MDGA2: variants seen among roughly 807,000 people sequenced by gnomAD.
The protein encoded by MDGA2 is MAM domain containing glycosylphosphatidylinositol anchor 2, also known as MAM domain-containing glycosylphosphatidylinositol anchor protein 2.
In MDGA2, 40 loss-of-function variants were observed where a neutral mutation model predicts 117.8. That is an observed-to-expected ratio of 0.34 (90% CI 0.26 to 0.44). MDGA2 has a LOEUF of 0.44. MDGA2 is among the 20% of genes least tolerant of loss of function. MDGA2 has a pLI of 1.00. For synonymous variants in MDGA2, 452 were observed against 439.0 expected, an observed-to-expected ratio of 1.03 and a Z score of -0.37; for missense variants, 1,123 against 1,250.6, an observed-to-expected ratio of 0.90 and a Z score of 1.54.
intron 9 of MDGA2, 40 bp downstream of exon 9, chr14:46,957,334 T>A (rs772119026): frequency 1.3e-6 from 2 of 1,586,816 alleles, no homozygotes; most frequent in Non-Finnish European, 1.7e-6. Context: ...CTTGGTCTAA[T>A]AAAACAAAAT....
At chr14:47,395,942 T>A (rs755157858) in intron 1 of MDGA2, among the ~76,000 whole-genome samples, 15 of 152,162 alleles carry the variant, frequency 9.9e-5, no homozygotes, top group African/African-American at 3.1e-4. Flanking sequence ...ATATTTACTT[T>A]CGTGTGTAGC....
intron 1 of MDGA2, among the ~76,000 whole-genome samples, chr14:47,517,664 T>C (rs1378662639): frequency 6.6e-6 from 1 of 152,172 alleles, no homozygotes; most frequent in Non-Finnish European, 1.5e-5. Context: ...GGGCAGCTCA[T>C]AGACACCTCT....
intron 1 of MDGA2, among the ~76,000 whole-genome samples, chr14:47,538,512 C>T (rs942283770): frequency 2.6e-5 from 4 of 152,108 alleles, no homozygotes; most frequent in Admixed American, 2.6e-4. Context: ...GTTGAGATTT[C>T]GTGTTATATA....
chr14:47,073,283 T>C (rs1425711745), intron 6 of MDGA2, among the ~76,000 whole-genome samples: 1 of 152,200 alleles, frequency 6.6e-6, no homozygotes, highest in African/African-American at 2.4e-5. Context: ...AGAGTCAATA[T>C]AGAAAACAGT....
At chr14:47,612,190 TGATAGATAGATAGATAGACA>T (rs1213106818) in intron 1 of MDGA2, among the ~76,000 whole-genome samples, 5 of 143,682 alleles carry the variant, frequency 3.5e-5, no homozygotes, top group South Asian at 4.4e-4. Flanking sequence ...ATTTCAAATG[TGATAGATAGATAGATAGACA>T]GATAGATAGA....
chr14:47,506,505 G>T (rs1894515714), intron 1 of MDGA2, among the ~76,000 whole-genome samples: 1 of 152,108 alleles, frequency 6.6e-6, no homozygotes, highest in South Asian at 2.1e-4. Flanking sequence ...TTCCTTTATA[G>T]GCTGGAAGTT....
chr14:47,162,662 T>A (rs1226832896), intron 3 of MDGA2, among the ~76,000 whole-genome samples: 1 of 152,296 alleles, frequency 6.6e-6, no homozygotes, highest in Non-Finnish European at 1.5e-5. Context: ...TTAATGTAAT[T>A]ATTTTTCTAA....
intron 1 of MDGA2, among the ~76,000 whole-genome samples, chr14:47,435,828 C>T (rs1388738490): frequency 6.6e-6 from 1 of 152,120 alleles, no homozygotes. Context: ...GGACTTTATG[C>T]TTCTGGGCTC....
intron 8 of MDGA2, among the ~76,000 whole-genome samples, chr14:46,985,400 G>A (rs562576030): frequency 5.3e-5 from 8 of 152,042 alleles, no homozygotes; most frequent in South Asian, 2.1e-4. Flanking sequence ...GAACTGAACC[G>A]AACCTAGTGG....
intron 6 of MDGA2, among the ~76,000 whole-genome samples, chr14:47,077,606 A>G (rs1890542545): frequency 6.6e-6 from 1 of 152,034 alleles, no homozygotes; most frequent in Admixed American, 6.5e-5. Context: ...ACATTTTACC[A>G]GGTGTTCATA....
intron 1 of MDGA2, among the ~76,000 whole-genome samples, chr14:47,478,275 G>C (rs1437265164): frequency 6.6e-6 from 1 of 152,144 alleles, no homozygotes; most frequent in African/African-American, 2.4e-5. Context: ...CAGACATATT[G>C]CATGTATTCT....
At chr14:47,222,678 G>C (rs533761934) in intron 2 of MDGA2, among the ~76,000 whole-genome samples, 2 of 151,936 alleles carry the variant, frequency 1.3e-5, no homozygotes, top group African/African-American at 4.8e-5. Context: ...TACAAAAATT[G>C]ATCATGTAGT....
chr14:47,300,794 T>G (rs921525359), intron 2 of MDGA2, among the ~76,000 whole-genome samples: 23 of 152,108 alleles, frequency 1.5e-4, no homozygotes, highest in African/African-American at 4.3e-4. Flanking sequence ...CCACCACACC[T>G]GGGCTTTGCC....
chr14:47,551,592 C>T (rs955054295), intron 1 of MDGA2, among the ~76,000 whole-genome samples: 1 of 152,156 alleles, frequency 6.6e-6, no homozygotes, highest in Admixed American at 6.6e-5. Context: ...CACTGATAGA[C>T]ATCTCTGCAT....
intron 5 of MDGA2, among the ~76,000 whole-genome samples, chr14:47,105,547 C>A (rs1880608817): frequency 6.6e-6 from 1 of 151,828 alleles, no homozygotes; most frequent in Admixed American, 6.6e-5. Context: ...TTCTGCAATG[C>A]TGCTTGACCC....
At chr14:47,398,418 C>T (rs573753132) in intron 1 of MDGA2, among the ~76,000 whole-genome samples, 1 of 152,294 alleles carries the variant, frequency 6.6e-6, no homozygotes, top group South Asian at 2.1e-4. Flanking sequence ...GTGTTTTAAT[C>T]ATCTTCCATC....
chr14:47,066,701 A>G (rs1354808442), intron 6 of MDGA2, among the ~76,000 whole-genome samples: 1 of 145,412 alleles, frequency 6.9e-6, no homozygotes, highest in East Asian at 2.1e-4. Flanking sequence ...TAATTACTCA[A>G]CTGATAATCA....
At chr14:47,217,125 G>A (rs1886120113) in intron 3 of MDGA2, among the ~76,000 whole-genome samples, 1 of 152,006 alleles carries the variant, frequency 6.6e-6, no homozygotes, top group Non-Finnish European at 1.5e-5. Context: ...CAAGCCCCTT[G>A]CTAACTAGGT....
chr14:47,263,879 C>T (rs997321446), intron 2 of MDGA2, among the ~76,000 whole-genome samples: 1 of 152,080 alleles, frequency 6.6e-6, no homozygotes, highest in Non-Finnish European at 1.5e-5. Flanking sequence ...AACAATTGAA[C>T]TCTAAGTTCA....
Sources: gnomAD v4.1 joint callset for allele counts (sites outside exome capture counted in the v4.1 genomes callset) on GRCh38, gnomAD v4.1.1 for gene constraint, MANE v1.5 for transcripts, NCBI Gene and HGNC (gene_info 2026-07-23, HGNC 2026-07-21) for gene names.